COMT: variants seen among roughly 807,000 people sequenced by gnomAD.
The protein encoded by COMT is catechol O-methyltransferase.
COMT carries 13 observed loss-of-function variants against 18.9 expected under a neutral mutation model. The observed-to-expected ratio is 0.69, with a 90% CI of 0.45 to 1.09. The LOEUF is 1.09. Among genes scored for constraint, COMT ranks in the 50% least tolerant of loss-of-function variants. The pLI, the probability that COMT is intolerant of heterozygous loss-of-function variation, is 0.00. For missense variants in COMT, 329 were observed against 361.8 expected (o/e 0.91, Z 0.73); for synonymous variants, 150 against 160.9 (o/e 0.93, Z 0.51).
At chr22:19,964,748 C>A (rs1418538098) in intron 5 of COMT, 2 of 431,114 alleles carry the variant, frequency 4.6e-6, no homozygotes, top group Non-Finnish European at 8.6e-6. Flanking sequence ...TGTGCATTCC[C>A]CCAACCCAGC....
intron 5 of COMT, chr22:19,967,393 A>ATT (rs61143203): frequency 1.6e-3 from 712 of 432,868 alleles, no homozygotes; most frequent in South Asian, 2.9e-3. Flanking sequence ...TTGCTAGGAC[A>ATT]TTTTTTTTTT....
intron 1 of COMT, among the ~76,000 whole-genome samples, chr22:19,953,301 GT>G (rs1352095154): frequency 6.6e-6 from 1 of 151,998 alleles, no homozygotes; most frequent in African/African-American, 2.4e-5. Flanking sequence ...TTTTGTTGTT[GT>G]TTTTTTGAGA....
At chr22:19,943,958 C>T (rs965729656) in intron 1 of COMT, among the ~76,000 whole-genome samples, 1 of 152,168 alleles carries the variant, frequency 6.6e-6, no homozygotes, top group Admixed American at 6.5e-5. Context: ...AAGGCTGCCC[C>T]TGGAGAATCT....
At chr22:19,952,688 C>T (rs1175272575) in intron 1 of COMT, among the ~76,000 whole-genome samples, 3 of 150,162 alleles carry the variant, frequency 2.0e-5, no homozygotes, top group African/African-American at 4.9e-5. Context: ...CGCAGTGGCT[C>T]ACGCCTGTAA....
chr22:19,946,396 G>A (rs1941836309), intron 1 of COMT, among the ~76,000 whole-genome samples: 1 of 152,098 alleles, frequency 6.6e-6, no homozygotes, highest in East Asian at 1.9e-4. Context: ...GCTGAAGTGG[G>A]AGAATCGCTT....
chr22:19,954,039 C>T (rs1942006273), intron 1 of COMT, among the ~76,000 whole-genome samples: 2 of 152,148 alleles, frequency 1.3e-5, no homozygotes, highest in African/African-American at 2.4e-5. Context: ...GCCCAGCTGG[C>T]CCCCTGGGGC....
At chr22:19,943,892 A>G (rs1445082359) in intron 1 of COMT, among the ~76,000 whole-genome samples, 1 of 102,676 alleles carries the variant, frequency 9.7e-6, no homozygotes, top group Non-Finnish European at 2.1e-5. Flanking sequence ...TGTGGCATGC[A>G]GGAGCTGGAG....
In COMT at chr22:19,969,829, CGCAGAG is replaced by C. The variant is rs1170380187; in HGVS notation, c.*1096_*1101del. 1 of 984,860 alleles carries C rather than the reference CGCAGAG, an allele frequency of 1.0e-6. No homozygotes were observed. The highest frequency in any genetic ancestry group is 1.7e-5 in the African/African-American group (1 of 57,230). The allele number at this position is 984,860 out of a possible 1,614,324, so 61.0% of individuals were successfully genotyped here. Reference sequence around the variant, plus strand: ...TCCACCCAGGGCCCTGCCCCAGACGCGCAGAGGCCCGACACAAGGGAGAAGCCAGCC... The same window carrying C: ...TCCACCCAGGGCCCTGCCCCAGACGCGCCCGACACAAGGGAGAAGCCAGCC... On this transcript the variant is annotated 3_prime_UTR_variant, in exon 6 of 6. Coordinates refer to ENST00000361682, the MANE Select transcript of COMT (RefSeq NM_000754.4).
At position 19,964,237 on chromosome 22, in the gene COMT, C is replaced by T. The variant is rs1942280710; in HGVS notation, c.553C>T (p.Leu185=). ...QLKKKYDVDT[L]DMVFLDHWKD... ...GAAGAAGAAGTATGATGTGGACACA[C>T]TGGACATGGTCTTCCTCGACCACTG... Residue 185 remains leucine, a synonymous_variant, in exon 5 of 6, where the codon CTG becomes TTG. Transcript: ENST00000361682. 6.2e-7 allele frequency: 1 copy of T among 1,614,160 alleles called. No homozygotes were observed. Among genetic ancestry groups the T allele is most frequent in the Non-Finnish European group, 8.5e-7 (1 of 1,180,038 alleles).
chr22:19,952,421 T>A (rs528729634), intron 1 of COMT, among the ~76,000 whole-genome samples: 1 of 144,988 alleles, frequency 6.9e-6, no homozygotes, highest in Non-Finnish European at 1.5e-5. Context: ...GGGCGGATCA[T>A]GAGGTCAGGA....
chr22:19,966,223 C>T (rs1243289618), intron 5 of COMT, among the ~76,000 whole-genome samples: 2 of 152,154 alleles, frequency 1.3e-5, no homozygotes. Context: ...GGGCCCTGTG[C>T]CCCCTTGTGG....
chr22:19,963,489 G>T, intron 3 of COMT, 77 bp from the exon 4 acceptor site: 12 of 1,525,094 alleles, frequency 7.9e-6, no homozygotes, highest in South Asian at 1.2e-5. Flanking sequence ...TGGGAGAGGT[G>T]GGGGGCCGTG....
In COMT at chr22:19,968,754, C is replaced by A. The variant is rs199743418; in HGVS notation, c.*18C>A. On this transcript the variant is annotated 3_prime_UTR_variant, in exon 6 of 6. Transcript: ENST00000361682. ...GGCCCTGACTGCCCCCCCGGCCCCC[C>A]TCTCGGGCTCTCTCACCCAGCCTGG... 11 of 1,601,128 alleles carry A rather than the reference C, an allele frequency of 6.9e-6. No homozygotes were observed. In the African/African-American group the frequency reaches 8.0e-5, roughly 12 times the overall value.
At chr22:19,963,291 G>C in intron 3 of COMT, 2 of 585,886 alleles carry the variant, frequency 3.4e-6, no homozygotes, top group South Asian at 4.0e-5. Flanking sequence ...CAGCCAGGAA[G>C]GGTGGAAAAG....
intron 4 of COMT, 74 bp from the exon 5 acceptor site, chr22:19,964,094 A>G (rs1300569486): frequency 6.2e-7 from 1 of 1,613,126 alleles, no homozygotes; most frequent in Non-Finnish European, 8.5e-7. Flanking sequence ...GGGCACTGAC[A>G]GGCGCTGTTG....
intron 1 of COMT, among the ~76,000 whole-genome samples, chr22:19,957,655 C>T (rs1366754388): frequency 3.9e-5 from 6 of 152,354 alleles, no homozygotes; most frequent in Admixed American, 1.3e-4. Flanking sequence ...TGCCCTCACA[C>T]GTGCATCTGC....
At chr22:19,963,828 T>C in intron 4 of COMT, 69 bp downstream of exon 4, 2 of 1,512,164 alleles carry the variant, frequency 1.3e-6, no homozygotes, top group Non-Finnish European at 1.8e-6. Flanking sequence ...GCATGCGCAC[T>C]TTGTCCTCCC....
intron 1 of COMT, among the ~76,000 whole-genome samples, chr22:19,956,148 T>C (rs200152417): frequency 2.0e-3 from 254 of 125,850 alleles, no homozygotes; most frequent in African/African-American, 7.5e-3. Flanking sequence ...TTTTTTTTTT[T>C]TTTTTTTTTT....
intron 1 of COMT, among the ~76,000 whole-genome samples, chr22:19,959,048 A>C (rs927848920): frequency 1.3e-5 from 2 of 152,284 alleles, no homozygotes; most frequent in Middle Eastern, 3.4e-3. Flanking sequence ...GACGCTCCCC[A>C]GACCACACAG....
Sources: gnomAD v4.1 joint callset for allele counts (sites outside exome capture counted in the v4.1 genomes callset) on GRCh38, gnomAD v4.1.1 for gene constraint, MANE v1.5 for transcripts, NCBI Gene and HGNC (gene_info 2026-07-23, HGNC 2026-07-21) for gene names.